The following DNAH11 variants were observed in gnomAD, a reference collection of about 807,000 sequenced individuals.
DNAH11 encodes axonemal beta dynein heavy chain 11.
Under a neutral mutation model 526.0 loss-of-function variants are expected in DNAH11, and 442 were observed. The ratio of observed to expected loss-of-function variants is 0.84; its 90% confidence interval spans 0.78 to 0.91. DNAH11 has a LOEUF of 0.91. Ranked by LOEUF, DNAH11 falls within the 40% of genes least tolerant of loss-of-function variation. The probability of loss-of-function intolerance (pLI) is 0.00; values close to 1 mark genes in which losing one functional copy is unlikely to be tolerated. For synonymous variants in DNAH11, 2,461 were observed against 1,935.9 expected, an observed-to-expected ratio of 1.27 and a Z score of -7.12; for missense variants, 6,989 against 5,448.7, an observed-to-expected ratio of 1.28 and a Z score of -8.90.
chr7:21,760,481 G>A (rs549322272), intron 54 of DNAH11, among the ~76,000 whole-genome samples: 22 of 152,278 alleles, frequency 1.4e-4, no homozygotes, highest in Non-Finnish European at 2.2e-4. Context: ...CTCTTAATAA[G>A]CATTTTACCA....
At chr7:21,604,196 G>A (rs1352422449) in intron 18 of DNAH11, among the ~76,000 whole-genome samples, 2 of 152,160 alleles carry the variant, frequency 1.3e-5, no homozygotes, top group Non-Finnish European at 1.5e-5. Flanking sequence ...ACTAAGAGTT[G>A]AAGTATTACT....
intron 64 of DNAH11, among the ~76,000 whole-genome samples, chr7:21,817,448 A>G (rs550560491): frequency 1.3e-4 from 20 of 149,442 alleles, no homozygotes; most frequent in African/African-American, 4.7e-4. Context: ...TAGGAGGCTG[A>G]TACAGGAGGA....
rs1180027756 is a variant in DNAH11, at chr7:21,543,281, C to T, written c.36C>T (p.Asp12=). 6 of 1,544,338 alleles carry T rather than the reference C, an allele frequency of 3.9e-6. No homozygotes were observed. The highest frequency in any genetic ancestry group is 2.1e-4 in the Middle Eastern group (1 of 4,752). Residue 12 remains aspartate (D), a synonymous_variant, in exon 1 of 82, where the codon GAC becomes GAT. Coordinates refer to ENST00000409508, the MANE Select transcript of DNAH11 (RefSeq NM_001277115.2). ...AGGTGGCAGCCCGGGAGGCGCGAGA[C>T]TTCAGAGAAGCCCCGACCCTTCGCC... The part of the protein sequence containing the change: ...AAQVAAREAR[D]FREAPTLRLT...
chr7:21,778,805 TTTTTGCAA>T (rs1420174252), intron 56 of DNAH11, among the ~76,000 whole-genome samples, 145 bp from the exon 57 acceptor site: 1 of 152,208 alleles, frequency 6.6e-6, no homozygotes, highest in Non-Finnish European at 1.5e-5. Flanking sequence ...TGTGGCTGCA[TTTTTGCAA>T]ATCAGAAGAC....
chr7:21,747,914 G>A (rs1489610381), intron 51 of DNAH11, among the ~76,000 whole-genome samples: 1 of 152,230 alleles, frequency 6.6e-6, no homozygotes, highest in Non-Finnish European at 1.5e-5. Flanking sequence ...GGGTGCTGAT[G>A]TGGAATTCGG....
Position 21,867,911 on chromosome 7 carries a change from G to A in DNAH11, c.11743G>A (p.Asp3915Asn). 2 of 1,581,366 alleles carry A rather than the reference G, an allele frequency of 1.3e-6. No individual in the cohort carries two copies. Among genetic ancestry groups the A allele is most frequent in the East Asian group, 4.6e-5 (2 of 43,662 alleles). ...GAAGTATGTGGAGAGGACCAGATTG[G>A]ACTTAGTTAAAGCATTCGAAGAAAG... The part of the protein sequence containing the change: ...GAKYVERTRL[D>N]LVKAFEESSP... The change falls in exon 72 of 82, where the codon GAC (aspartate) becomes AAC (asparagine). Residue 3915 changes from aspartate (D) to asparagine (N), a missense_variant. Coordinates refer to ENST00000409508, the MANE Select transcript of DNAH11 (RefSeq NM_001277115.2).
At chr7:21,673,003 A>C (rs1782706084) in intron 30 of DNAH11, among the ~76,000 whole-genome samples, 1 of 152,090 alleles carries the variant, frequency 6.6e-6, no homozygotes, top group Non-Finnish European at 1.5e-5. Context: ...TATACACCCC[A>C]ATGGTGGTCA....
At chr7:21,791,036 G>A (rs1454889411) in intron 61 of DNAH11, among the ~76,000 whole-genome samples, 1 of 152,216 alleles carries the variant, frequency 6.6e-6, no homozygotes, top group Non-Finnish European at 1.5e-5. Context: ...CTCAGCTCAG[G>A]CAGGAGCAGT....
intron 8 of DNAH11, among the ~76,000 whole-genome samples, chr7:21,581,459 A>G (rs937287090): frequency 6.6e-6 from 1 of 151,828 alleles, no homozygotes; most frequent in Non-Finnish European, 1.5e-5. Context: ...TAGATTTACA[A>G]CTCCATGAAA....
chr7:21,841,629 C>T (rs933711441), intron 65 of DNAH11, among the ~76,000 whole-genome samples: 1 of 152,136 alleles, frequency 6.6e-6, no homozygotes, highest in South Asian at 2.1e-4. Context: ...AGTGTCCCTG[C>T]CATGGGATGA....
intron 68 of DNAH11, among the ~76,000 whole-genome samples, chr7:21,860,279 G>A (rs1783007707): frequency 1.1e-5 from 1 of 91,604 alleles, no homozygotes; most frequent in African/African-American, 3.1e-5. Context: ...CATTAGAATG[G>A]CTACTATCAA....
intron 73 of DNAH11, among the ~76,000 whole-genome samples, chr7:21,872,823 G>C (rs1393987691): frequency 6.6e-6 from 1 of 152,198 alleles, no homozygotes; most frequent in African/African-American, 2.4e-5. Flanking sequence ...GTAGGAGTTT[G>C]AGTAGAAGAG....
chr7:21,556,654 C>A (rs1208541367), intron 2 of DNAH11, among the ~76,000 whole-genome samples: 1 of 152,110 alleles, frequency 6.6e-6, no homozygotes, highest in African/African-American at 2.4e-5. Flanking sequence ...ATAGGCAGTT[C>A]TTTAGTCCTC....
chr7:21,770,971 A>G (rs1303817944), intron 55 of DNAH11, among the ~76,000 whole-genome samples: 5 of 152,198 alleles, frequency 3.3e-5, no homozygotes, highest in Non-Finnish European at 7.3e-5. Context: ...GCAACCACAA[A>G]TATCTTATTA....
At position 21,784,439 on chromosome 7, in the gene DNAH11, C is replaced by G. The variant is rs755886621; in HGVS notation, c.9496C>G (p.Gln3166Glu). 1 of 1,612,860 alleles carries G rather than the reference C, an allele frequency of 6.2e-7. No individual in the cohort carries two copies. The highest frequency in any genetic ancestry group is 1.1e-5 in the South Asian group (1 of 90,794). The change falls in exon 58 of 82, where the codon CAG becomes GAG. Residue 3166 changes from glutamine to glutamate, a missense_variant. Coordinates refer to ENST00000409508, the MANE Select transcript of DNAH11 (RefSeq NM_001277115.2). The part of the protein sequence containing the change: ...DAEERKVTAI[Q>E]TEVFQKQREC... ...CCTCTTTAATTAGGTGACAGCCATT[C>G]AGACTGAAGTGTTCCAGAAACAGAG...
chr7:21,578,784 CAT>C (rs1365612669), intron 8 of DNAH11, among the ~76,000 whole-genome samples: 3 of 152,198 alleles, frequency 2.0e-5, no homozygotes, highest in Non-Finnish European at 2.9e-5. Flanking sequence ...CCCACAGAAA[CAT>C]GTGCCAAACA....
chr7:21,787,565 C>A lies in DNAH11; in HGVS notation c.9906C>A (p.Asn3302Lys). Residue 3302 changes from asparagine (N) to lysine (K), a missense_variant, in exon 60 of 82, where the codon AAC becomes AAA. Transcript: ENST00000409508. Reference sequence around the variant, plus strand: ...CTGGCCTGTGTGCCTGGGTCATCAACATCATTAAATTCTATGAGGTATCAA... The same window carrying A: ...CTGGCCTGTGTGCCTGGGTCATCAAAATCATTAAATTCTATGAGGTATCAA... ...AAAGLCAWVI[N>K]IIKFYEVYCD... is the part of the protein sequence containing the mutation. 6.2e-7 allele frequency: 1 copy of A among 1,610,952 alleles called. No individual in the cohort carries two copies.
At chr7:21,684,482 G>T (rs1783285744) in intron 32 of DNAH11, among the ~76,000 whole-genome samples, 1 of 152,170 alleles carries the variant, frequency 6.6e-6, no homozygotes, top group South Asian at 2.1e-4. Flanking sequence ...ATTATTTTAG[G>T]CTGTGATATA....
At chr7:21,739,847 G>A (rs1056877627) in intron 48 of DNAH11, among the ~76,000 whole-genome samples, 174 bp downstream of exon 48, 5 of 151,982 alleles carry the variant, frequency 3.3e-5, no homozygotes, top group Non-Finnish European at 7.4e-5. Flanking sequence ...TGTTTTAATT[G>A]GTAGACTTTA....
Sources: allele counts gnomAD v4.1 joint callset (sites outside exome capture counted in the v4.1 genomes callset), GRCh38; gene constraint gnomAD v4.1.1; transcripts MANE v1.5; gene names NCBI Gene and HGNC (gene_info 2026-07-23, HGNC 2026-07-21).